The following ATP8B3 variants were observed in gnomAD, a reference collection of about 807,000 sequenced individuals.
ATP8B3 encodes ATPase phospholipid transporting 8B3, also known as phospholipid-transporting ATPase IK.
A neutral mutation model predicts 140.9 loss-of-function variants in ATP8B3; 141 were observed. That is an observed-to-expected ratio of 1.00 (90% CI 0.87 to 1.15). ATP8B3 has a LOEUF of 1.15. Among genes scored for constraint, ATP8B3 ranks in the 50% most tolerant of loss-of-function variants. The pLI, the probability that ATP8B3 is intolerant of heterozygous loss-of-function variation, is 0.00. For missense variants in ATP8B3, 1,874 were observed against 1,740.6 expected (o/e 1.08, Z -1.36); for synonymous variants, 765 against 714.6 (o/e 1.07, Z -1.13).
In ATP8B3 at chr19:1,811,748, G is replaced by C. The variant is rs374410951; in HGVS notation, c.-12C>G. 12 of 1,573,946 alleles carry C rather than the reference G, an allele frequency of 7.6e-6. No individual in the cohort carries two copies. Among genetic ancestry groups the C allele is most frequent in the African/African-American group, 5.4e-5 (4 of 74,420 alleles). On this transcript the variant is annotated 5_prime_UTR_variant, in exon 2 of 29. Coordinates refer to ENST00000310127, the MANE Select transcript of ATP8B3 (RefSeq NM_138813.4). The stretch of plus-strand genomic sequence containing the variant: ...GGGCCAGTGCCCATTCACCGCATGA[G>C]GAAAAGGGAGGTTCAGGGCGAAGAG...
chr19:1,785,821 T>G, intron 25 of ATP8B3, 113 bp from the exon 26 acceptor site: 1 of 1,143,754 alleles, frequency 8.7e-7, no homozygotes, highest in East Asian at 2.6e-5. Flanking sequence ...TGTGGCTCTT[T>G]GAGTTTAAGT....
At position 1,807,128 on chromosome 19, in the gene ATP8B3, C is replaced by T; in HGVS notation, c.615+40G>A. On this transcript the variant is annotated intron_variant, in intron 6 of 28. Coordinates refer to ENST00000310127, the MANE Select transcript of ATP8B3 (RefSeq NM_138813.4). The surrounding 1 kb of genome is among the most constrained non-coding windows in gnomAD (Gnocchi z 5.9). ...GATCAAGAGACCCCCCCGACCGGCC[C>T]CGCTCCCTCCCCCAGGCAGCTGCAT... 5.1e-6 allele frequency: 8 copies of T among 1,571,962 alleles called. No individual in the cohort carries two copies. Among genetic ancestry groups the T allele is most frequent in the Non-Finnish European group, 6.1e-6 (7 of 1,143,650 alleles).
rs1298603632 is a variant in ATP8B3 at position 1,806,074 on chromosome 19, C to A, written c.750+23G>T. 1.2e-6 allele frequency: 2 copies of A among 1,601,672 alleles called. No individual in the cohort carries two copies. The highest frequency in any genetic ancestry group is 1.7e-6 in the Non-Finnish European group (2 of 1,174,696). ...GGTGAGGGGGCGCGTGGTTCTGGGACCTCGGGGTCAACCCCAGCTCACTGG... is the reference window on the plus strand; with the variant it reads ...GGTGAGGGGGCGCGTGGTTCTGGGAACTCGGGGTCAACCCCAGCTCACTGG... On this transcript the variant is annotated intron_variant, in intron 8 of 28. Transcript: ENST00000310127. The surrounding 1 kb of genome is among the most constrained non-coding windows in gnomAD (Gnocchi z 5.6).
Position 1,810,614 on chromosome 19 carries a change from A to G in ATP8B3, c.310+8T>C, listed in dbSNP as rs1256350150. ...ACCTGCACCGCCCCCTCTGCCCAGG[A>G]TCAGCACCTGAGTTCCTGTCCTCAT... On this transcript the variant is annotated splice_region_variant and intron_variant, in intron 3 of 28. Coordinates refer to ENST00000310127, the MANE Select transcript of ATP8B3 (RefSeq NM_138813.4). 1 of 1,612,244 alleles carries G rather than the reference A, an allele frequency of 6.2e-7. No homozygotes were observed. The highest frequency in any genetic ancestry group is 1.7e-5 in the Admixed American group (1 of 59,846).
chr19:1,804,663 G>A (rs574956108), intron 10 of ATP8B3, among the ~76,000 whole-genome samples: 80 of 151,654 alleles, frequency 5.3e-4, no homozygotes, highest in African/African-American at 1.8e-3. Flanking sequence ...AAAATTAGCT[G>A]GGAGTGGTGG....
At position 1,800,771 on chromosome 19, in the gene ATP8B3, T is replaced by C. The variant is rs373538819; in HGVS notation, c.1153-322A>G. ...CCCAGGAGGCTGCAGTGAGATATCATGGCGCCACTGCACTCCATCCTGGGC... is the reference window on the plus strand; with the variant it reads ...CCCAGGAGGCTGCAGTGAGATATCACGGCGCCACTGCACTCCATCCTGGGC... On this transcript the variant is annotated intron_variant, in intron 12 of 28. Coordinates refer to ENST00000310127, the MANE Select transcript of ATP8B3 (RefSeq NM_138813.4). This position sits in a 1 kb window ranked among gnomAD's most constrained non-coding sequence, Gnocchi z 4.4. 1.4e-4 allele frequency among the ~76,000 whole-genome samples: 21 copies of C among 151,946 alleles called. No individual in the cohort carries two copies. The highest frequency in any genetic ancestry group is 4.8e-4 in the African/African-American group (20 of 41,452).
intron 24 of ATP8B3, among the ~76,000 whole-genome samples, chr19:1,788,169 C>G (rs551208641): frequency 5.7e-4 from 87 of 152,186 alleles, no homozygotes; most frequent in Non-Finnish European, 1.1e-3. Context: ...GCACCTGCTT[C>G]CCAGCAGTTT....
intron 10 of ATP8B3, among the ~76,000 whole-genome samples, chr19:1,804,484 T>G (rs1354536103): frequency 1.3e-5 from 2 of 152,104 alleles, no homozygotes; most frequent in East Asian, 3.8e-4. Context: ...GGCGGGCGCC[T>G]GTAGTCCCAG....
At position 1,787,239 on chromosome 19, in the gene ATP8B3, G is replaced by A. The variant is rs987455603; in HGVS notation, c.3070-53C>T. The A allele has an allele frequency of 6.7e-6, 10 of 1,492,766 alleles. No individual in the cohort carries two copies. In the African/African-American group the frequency reaches 1.2e-4, roughly 19 times the overall value. The allele number at this position is 1,492,766 out of a possible 1,614,324, so 92.5% of individuals were successfully genotyped here. A position where few individuals can be genotyped will look rare whatever the true frequency, so the allele number is the denominator to read the frequency against. Reference sequence around the variant, plus strand: ...ACAAGTCAGCCTCCAGGCACCCAAGGAGCCTGCCAAGCAGGCACCCAGGGA... The same window carrying A: ...ACAAGTCAGCCTCCAGGCACCCAAGAAGCCTGCCAAGCAGGCACCCAGGGA... On this transcript the variant is annotated intron_variant, in intron 24 of 28. Transcript: ENST00000310127.
Position 1,811,562 on chromosome 19 carries a change from C to G in ATP8B3, c.175G>C (p.Gly59Arg). 1 of 1,612,396 alleles carries G rather than the reference C, an allele frequency of 6.2e-7. No individual in the cohort carries two copies. The highest frequency in any genetic ancestry group is 8.5e-7 in the Non-Finnish European group (1 of 1,179,806). Residue 59 changes from glycine (G) to arginine (R), a missense_variant, in exon 2 of 29, where the codon GGC becomes CGC. Gly to Arg is a moderately radical substitution (Grantham distance 125). Around this residue, in one of 3 missense-constraint regions of ATP8B3, gnomAD observed 1,032 missense variants for 963.6 expected, o/e 1.07. Coordinates refer to ENST00000310127, the MANE Select transcript of ATP8B3 (RefSeq NM_138813.4). ...TGCCTCCTCTCAGGTGCCCCTCTGC[C>G]TGGGGAGTCTCCCATCCCAGCTCTG... ...VIRAGMGDSP[G>R]RGAPERRHKA...
intron 18 of ATP8B3, among the ~76,000 whole-genome samples, chr19:1,792,621 G>A (rs764495676): frequency 2.7e-5 from 4 of 146,664 alleles, no homozygotes; most frequent in Non-Finnish European, 4.5e-5. Context: ...GAAAGAAAGC[G>A]GGGAAGAGGG....
chr19:1,796,296 C>A, intron 16 of ATP8B3, 31 bp from the exon 17 acceptor site: 1 of 1,557,956 alleles, frequency 6.4e-7, no homozygotes, highest in Non-Finnish European at 8.7e-7. Flanking sequence ...TTTGGGGTCA[C>A]GTGGTGGAGC....
intron 10 of ATP8B3, among the ~76,000 whole-genome samples, chr19:1,802,924 T>C (rs1376515871): frequency 6.6e-6 from 1 of 152,158 alleles, no homozygotes; most frequent in Admixed American, 6.5e-5. Context: ...TCCCTCGTGG[T>C]TCTGATCCCA....
In ATP8B3 at chr19:1,807,789, G is replaced by C. The variant is rs1202239749; in HGVS notation, c.516+433C>G. On this transcript the variant is annotated intron_variant, in intron 5 of 28. Transcript: ENST00000310127. The surrounding 1 kb of genome is among the most constrained non-coding windows in gnomAD (Gnocchi z 5.9). ...AAAACAGCGCCCCTGGCCGGATGCC[G>C]GCCCCACGCTGGCCTGGACCACCCA... Among the ~76,000 whole-genome samples, 1 of 152,274 alleles carries C rather than the reference G, an allele frequency of 6.6e-6. No individual in the cohort carries two copies. The highest frequency in any genetic ancestry group is 2.1e-4 in the South Asian group (1 of 4,836).
Position 1,807,898 on chromosome 19 carries a change from CG to C in ATP8B3, c.516+323del, listed in dbSNP as rs988893324. ...TCGCCTCTGAGGTCAGCTGGGAGGG[CG>C]GGGGCCAGGGGAGCTGCGTGGCCGA... On this transcript the variant is annotated intron_variant, in intron 5 of 28. Coordinates refer to ENST00000310127, the MANE Select transcript of ATP8B3 (RefSeq NM_138813.4). This position sits in a 1 kb window ranked among gnomAD's most constrained non-coding sequence, Gnocchi z 5.9. 8.5e-5 allele frequency among the ~76,000 whole-genome samples: 13 copies of C among 152,226 alleles called. No individual in the cohort carries two copies. Among genetic ancestry groups the C allele is most frequent in the Non-Finnish European group, 1.6e-4 (11 of 68,032 alleles).
chr19:1,807,002 G>C lies in ATP8B3; in HGVS notation c.615+166C>G, dbSNP rs1378583370. Among the ~76,000 whole-genome samples the C allele has an allele frequency of 6.6e-6, 1 of 152,122 alleles. No homozygotes were observed. The highest frequency in any genetic ancestry group is 1.5e-5 in the Non-Finnish European group (1 of 68,010). On this transcript the variant is annotated intron_variant, in intron 6 of 28. Transcript: ENST00000310127. The surrounding 1 kb of genome is among the most constrained non-coding windows in gnomAD (Gnocchi z 5.9). Reference sequence around the variant, plus strand: ...CCTGCGGCACCTGCCCAATGTGGGTGCTAGCAGATAAGGACAATGTAGCCC... The same window carrying C: ...CCTGCGGCACCTGCCCAATGTGGGTCCTAGCAGATAAGGACAATGTAGCCC...
At position 1,809,740 on chromosome 19, in the gene ATP8B3, G is replaced by A; in HGVS notation, c.311-6C>T. On this transcript the variant is annotated splice_polypyrimidine_tract_variant and splice_region_variant and intron_variant, in intron 3 of 28. Coordinates refer to ENST00000310127, the MANE Select transcript of ATP8B3 (RefSeq NM_138813.4). ...CTGGACCTTCCAGGTGAATGCTGCA[G>A]CGAGAGAGCCGGGCGTCGCTGGAGC... 1 of 1,603,492 alleles carries A rather than the reference G, an allele frequency of 6.2e-7. No homozygotes were observed.
rs772793099 is a variant in ATP8B3 at position 1,796,826 on chromosome 19, A to G, written c.1638T>C (p.Asn546=). 6 of 1,611,770 alleles carry G rather than the reference A, an allele frequency of 3.7e-6. No homozygotes were observed. Among genetic ancestry groups the G allele is most frequent in the East Asian group, 4.5e-5 (2 of 44,798 alleles). Residue 546 remains asparagine, a synonymous_variant, in exon 16 of 29, where the codon AAT becomes AAC. Coordinates refer to ENST00000310127, the MANE Select transcript of ATP8B3 (RefSeq NM_138813.4). ...TCCGCACGAGGTGCAGCAGGGCCGC[A>G]TTGTGGAAGAGCAGCTTCCCGTCGG... The part of the protein sequence containing the change: ...KFADGKLLFH[N]AALLHLVRTN...
rs1325303821 is a variant in ATP8B3, at chr19:1,807,306, C to T, written c.517-40G>A. The T allele has an allele frequency of 2.0e-6, 3 of 1,533,122 alleles. 1 individual carries two copies. The highest frequency in any genetic ancestry group is 2.3e-5 in the South Asian group (2 of 88,828). 95.0% of individuals were successfully genotyped at this position (1,533,122 alleles called of 1,614,324 possible). A position where few individuals can be genotyped will look rare whatever the true frequency, so the allele number is the denominator to read the frequency against. ...CCACAGGAAGGGTCACACCAGCCCA[C>T]TCCCCCGTCCCCTGCCCTTCCACCA... is the stretch of plus-strand genomic sequence containing the variant. On this transcript the variant is annotated intron_variant, in intron 5 of 28. Transcript: ENST00000310127. The surrounding 1 kb of genome is among the most constrained non-coding windows in gnomAD (Gnocchi z 5.9).
Sources: allele counts gnomAD v4.1 joint callset (sites outside exome capture counted in the v4.1 genomes callset), GRCh38; gene constraint gnomAD v4.1.1; regional missense constraint gnomAD v4.1.1; non-coding constraint Gnocchi (gnomAD v3.1); transcripts MANE v1.5; gene names NCBI Gene and HGNC (gene_info 2026-07-23, HGNC 2026-07-21).